TRPM8: variants seen among roughly 807,000 people sequenced by gnomAD.
The protein encoded by TRPM8 is transient receptor potential cation channel subfamily M member 8, also known as TRPM8 cationic channel.
A neutral mutation model predicts 133.7 loss-of-function variants in TRPM8; 110 were observed. The ratio of observed to expected loss-of-function variants is 0.82; its 90% CI spans 0.70 to 0.96. The LOEUF is 0.96. TRPM8 is among the 40% of genes least tolerant of loss of function. The pLI is 0.00. For missense variants in TRPM8, 1,291 were observed against 1,379.5 expected (o/e 0.94, Z 1.02); for synonymous variants, 535 against 532.3 (o/e 1.01, Z -0.07).
chr2:234,002,828 G>T (rs750382886), intron 22 of TRPM8, among the ~76,000 whole-genome samples: 2 of 152,084 alleles, frequency 1.3e-5, no homozygotes, highest in Non-Finnish European at 2.9e-5. Context: ...CTGTTCACAG[G>T]TGTTGTGTCT....
intron 10 of TRPM8, 148 bp downstream of exon 10, chr2:233,954,167 A>G (rs958441450): frequency 7.6e-6 from 4 of 523,250 alleles, no homozygotes; most frequent in Non-Finnish European, 1.3e-5. Flanking sequence ...TAGAATAACT[A>G]CGCTTGTCCT....
intron 2 of TRPM8, 70 bp from the exon 3 acceptor site, chr2:233,930,598 A>C (rs992403352): frequency 3.0e-6 from 3 of 1,012,078 alleles, no homozygotes; most frequent in Non-Finnish European, 4.5e-6. Flanking sequence ...CATCATATTT[A>C]GTATTCATCA....
intron 4 of TRPM8, among the ~76,000 whole-genome samples, chr2:233,938,735 C>T (rs968644711): frequency 2.0e-5 from 3 of 152,112 alleles, no homozygotes; most frequent in African/African-American, 2.4e-5. Context: ...ACTTTGAATA[C>T]GGTGGGAGGC....
In TRPM8 at chr2:233,989,446, C is replaced by T. The variant is rs536853479; in HGVS notation, c.2939+3581C>T. 3.9e-5 allele frequency among the ~76,000 whole-genome samples: 6 copies of T among 152,332 alleles called. No homozygotes were observed. The South Asian group carries it at 6.2e-4, about 16-fold the overall frequency. On this transcript the variant is annotated intron_variant, in intron 21 of 25. Coordinates refer to ENST00000324695, the MANE Select transcript of TRPM8 (RefSeq NM_024080.5). The surrounding 1 kb of genome is among the most constrained non-coding windows in gnomAD (Gnocchi z 4.2). ...CTTGGGGAACCTCCTCGATTAGCTC[C>T]GGCTTAAACCAGAGGCCTTTTCCTG...
intron 24 of TRPM8, chr2:234,013,558 T>C (rs1274499397): frequency 6.6e-6 from 1 of 152,308 alleles, no homozygotes; most frequent in African/African-American, 2.4e-5. Flanking sequence ...GTTTATCTTT[T>C]CAAAAAACCA....
At position 234,018,443 on chromosome 2, in the gene TRPM8, T is replaced by G. The variant is rs200050665; in HGVS notation, c.*1187T>G. 83 of 151,656 alleles carry G rather than the reference T, an allele frequency of 5.5e-4. No individual in the cohort carries two copies. The highest frequency in any genetic ancestry group is 1.9e-3 in the South Asian group (9 of 4,822). 9.4% of individuals were successfully genotyped at this position (151,656 alleles called of 1,614,324 possible). A position where few individuals can be genotyped will look rare whatever the true frequency, so the allele number is the denominator to read the frequency against. ...ATTTATTATTAAATATTAAAATATC[T>G]ATTTATTATTAAAACCATTTATAAG... On this transcript the variant is annotated 3_prime_UTR_variant, in exon 26 of 26. Transcript: ENST00000324695.
At chr2:233,924,190 G>A (rs1273147267) in intron 1 of TRPM8, among the ~76,000 whole-genome samples, 3 of 152,102 alleles carry the variant, frequency 2.0e-5, no homozygotes, top group Admixed American at 6.5e-5. Context: ...AGTCAGGAGC[G>A]GAAGGACTCA....
In TRPM8 at chr2:233,985,792, A is replaced by T; in HGVS notation, c.2866A>T (p.Thr956Ser). The change falls in exon 21 of 26, where the codon ACC (threonine) becomes TCC (serine). Residue 956 changes from threonine to serine, a missense_variant. Thr to Ser is a moderately conservative substitution (Grantham distance 58). Coordinates refer to ENST00000324695, the MANE Select transcript of TRPM8 (RefSeq NM_024080.5). ...HNLPRFPEWI[T>S]IPLVCIYMLS... ...CCTGCCCCGGTTCCCCGAGTGGATCACCATCCCCCTGGTGTGCATCTACAT... is the reference window on the plus strand; with the variant it reads ...CCTGCCCCGGTTCCCCGAGTGGATCTCCATCCCCCTGGTGTGCATCTACAT... The T allele has an allele frequency of 6.2e-7, 1 of 1,614,154 alleles. No homozygotes were observed. The highest frequency in any genetic ancestry group is 8.5e-7 in the Non-Finnish European group (1 of 1,180,024).
chr2:233,959,249 C>A (rs1467788738), intron 11 of TRPM8, among the ~76,000 whole-genome samples: 1 of 151,962 alleles, frequency 6.6e-6, no homozygotes, highest in Non-Finnish European at 1.5e-5. Context: ...TGGTCTCGAA[C>A]TCCTGACCTC....
chr2:233,998,651 CGCCTGTGCCCATCCAGTTAGGGTGAGCA>C (rs748661565), intron 22 of TRPM8, among the ~76,000 whole-genome samples: 5 of 144,338 alleles, frequency 3.5e-5, no homozygotes, highest in Non-Finnish European at 7.6e-5. Flanking sequence ...TAGGGTGAGC[CGCCTGTGCCCATCCAGTTAGGGTGAGCA>C]GCCTGTGCCC....
At position 233,996,446 on chromosome 2, in the gene TRPM8, C is replaced by T; in HGVS notation, c.3060C>T (p.Tyr1020=). ...CCTTCCCCTTCATCGTCTTCGCTTA[C>T]TTCTACATGGTGGTGAAGAAGTGCT... is the stretch of plus-strand genomic sequence containing the variant. ...NIPFPFIVFA[Y]FYMVVKKCFK... Residue 1020 remains tyrosine, a synonymous_variant, in exon 22 of 26, where the codon TAC becomes TAT. Transcript: ENST00000324695. 3.1e-6 allele frequency: 5 copies of T among 1,614,202 alleles called. No homozygotes were observed. Among genetic ancestry groups the T allele is most frequent in the Non-Finnish European group, 4.2e-6 (5 of 1,180,044 alleles).
At chr2:233,987,742 G>A (rs949436057) in intron 21 of TRPM8, among the ~76,000 whole-genome samples, 2 of 152,210 alleles carry the variant, frequency 1.3e-5, no homozygotes, top group Non-Finnish European at 2.9e-5. Context: ...GTTGTGGGAG[G>A]GACCCAGTGG....
At chr2:233,960,319 A>C (rs1691401028) in intron 11 of TRPM8, among the ~76,000 whole-genome samples, 1 of 152,188 alleles carries the variant, frequency 6.6e-6, no homozygotes, top group Non-Finnish European at 1.5e-5. Flanking sequence ...CCCACAGTGC[A>C]GCGTAGAGAC....
intron 4 of TRPM8, among the ~76,000 whole-genome samples, chr2:233,937,965 C>A (rs1690800457): frequency 6.6e-6 from 1 of 152,210 alleles, no homozygotes; most frequent in Non-Finnish European, 1.5e-5. Context: ...CTCCGTGCTC[C>A]CAGTCTCAAT....
At chr2:233,926,930 A>G (rs1691529822) in intron 2 of TRPM8, among the ~76,000 whole-genome samples, 1 of 152,104 alleles carries the variant, frequency 6.6e-6, no homozygotes, top group African/African-American at 2.4e-5. Flanking sequence ...TCCTGGTTCC[A>G]GGCCAGCTTC....
chr2:234,005,718 C>T (rs919323184), intron 22 of TRPM8, among the ~76,000 whole-genome samples: 1 of 152,014 alleles, frequency 6.6e-6, no homozygotes, highest in Non-Finnish European at 1.5e-5. Flanking sequence ...TGAGACCAGC[C>T]TGGCCAACGT....
chr2:233,924,433 C>T (rs781501435), intron 1 of TRPM8, among the ~76,000 whole-genome samples: 1 of 152,190 alleles, frequency 6.6e-6, no homozygotes, highest in Non-Finnish European at 1.5e-5. Context: ...TTCTCTTGGA[C>T]CTCAGGCCTT....
chr2:233,931,182 T>A lies in TRPM8; in HGVS notation c.191+441T>A, dbSNP rs1449031806. Among the ~76,000 whole-genome samples the A allele has an allele frequency of 2.0e-5, 3 of 152,234 alleles. No individual in the cohort carries two copies. In the East Asian group the frequency reaches 5.8e-4, roughly 29 times the overall value. ...GAGTGTTCATCTGCTCTAAGTCTCATGTGTTTTGGAACATTAAGGCTGGGT... is the reference window on the plus strand; with the variant it reads ...GAGTGTTCATCTGCTCTAAGTCTCAAGTGTTTTGGAACATTAAGGCTGGGT... On this transcript the variant is annotated intron_variant, in intron 3 of 25. Coordinates refer to ENST00000324695, the MANE Select transcript of TRPM8 (RefSeq NM_024080.5).
Position 233,996,396 on chromosome 2 carries a change from G to A in TRPM8, c.3010G>A (p.Glu1004Lys). 6.2e-7 allele frequency: 1 copy of A among 1,614,178 alleles called. No individual in the cohort carries two copies. The highest frequency in any genetic ancestry group is 8.5e-7 in the Non-Finnish European group (1 of 1,180,022). Residue 1004 changes from glutamate (E) to lysine (K), a missense_variant, in exon 22 of 26, where the codon GAG (glutamate) becomes AAG (lysine). By Grantham distance (56) the Glu-to-Lys change is moderately conservative. This residue lies in a region of TRPM8 where 328 missense variants were observed against 410.6 expected (regional missense o/e 0.80). Transcript: ENST00000324695. ...GTTCCAGAGGTACTTCCTGGTGCAG[G>A]AGTACTGCAGCCGCCTCAATATCCC... is the stretch of plus-strand genomic sequence containing the variant. The part of the protein sequence containing the change: ...WKFQRYFLVQ[E>K]YCSRLNIPFP...
Sources: allele counts gnomAD v4.1 joint callset (sites outside exome capture counted in the v4.1 genomes callset), GRCh38; gene constraint gnomAD v4.1.1; regional missense constraint gnomAD v4.1.1; non-coding constraint Gnocchi (gnomAD v3.1); transcripts MANE v1.5; gene names NCBI Gene and HGNC (gene_info 2026-07-23, HGNC 2026-07-21).